The following ADARB2 variants were observed in gnomAD, a reference collection of about 807,000 sequenced individuals.
ADARB2 encodes the protein inactive double-stranded RNA-specific editase B2.
In ADARB2, 25 loss-of-function variants were observed where a neutral mutation model predicts 62.2. The observed-to-expected ratio is 0.40, with a 90% CI of 0.29 to 0.56. The LOEUF (loss-of-function observed/expected upper bound fraction) is 0.56. ADARB2 is among the 20% of genes least tolerant of loss of function. ADARB2 has a pLI of 0.43. For missense variants in ADARB2, 1,071 were observed against 1,077.4 expected (o/e 0.99, Z 0.08); for synonymous variants, 572 against 500.8 (o/e 1.14, Z -1.90).
At chr10:1,391,956 A>C (rs1832575005) in intron 1 of ADARB2, among the ~76,000 whole-genome samples, 2 of 151,506 alleles carry the variant, frequency 1.3e-5, no homozygotes, top group African/African-American at 4.9e-5. Context: ...TGTAGAGATG[A>C]GGTTTTGACA....
intron 1 of ADARB2, among the ~76,000 whole-genome samples, chr10:1,735,575 C>T (rs1005665869): frequency 2.0e-5 from 3 of 152,186 alleles, no homozygotes; most frequent in Non-Finnish European, 4.4e-5. Context: ...TTATTCAATC[C>T]GGTGACTTTC....
intron 1 of ADARB2, among the ~76,000 whole-genome samples, chr10:1,578,522 G>A (rs1040341593): frequency 2.0e-5 from 3 of 152,220 alleles, no homozygotes; most frequent in Non-Finnish European, 4.4e-5. Context: ...AGCCCCGCCT[G>A]TGAGTGCTCG....
intron 3 of ADARB2, among the ~76,000 whole-genome samples, chr10:1,351,260 C>T (rs923009162): frequency 6.6e-6 from 1 of 152,200 alleles, no homozygotes; most frequent in East Asian, 1.9e-4. Flanking sequence ...TGGACCATCA[C>T]GGATGCTGAG....
At chr10:1,576,023 G>C (rs1295979450) in intron 1 of ADARB2, among the ~76,000 whole-genome samples, 8 of 94,086 alleles carry the variant, frequency 8.5e-5, no homozygotes, top group African/African-American at 3.5e-4. Context: ...ATGGGAGGGG[G>C]CCCAGGGCCA....
chr10:1,672,803 C>G (rs139955529), intron 1 of ADARB2, among the ~76,000 whole-genome samples: 51 of 147,688 alleles, frequency 3.5e-4, no homozygotes, highest in Non-Finnish European at 6.5e-4. Context: ...ATCCAGCAAC[C>G]TCCACGTCTG....
At chr10:1,573,670 G>C (rs977447632) in intron 1 of ADARB2, among the ~76,000 whole-genome samples, 1 of 152,192 alleles carries the variant, frequency 6.6e-6, no homozygotes, top group African/African-American at 2.4e-5. Context: ...TCCTTGGGAG[G>C]TTGAGGAGGA....
At chr10:1,735,354 C>T (rs1047231948) in intron 1 of ADARB2, among the ~76,000 whole-genome samples, 1 of 152,212 alleles carries the variant, frequency 6.6e-6, no homozygotes, top group Non-Finnish European at 1.5e-5. Context: ...TCTAAGCTAG[C>T]ATGACTGACG....
rs374319455 is a variant in ADARB2 at position 1,267,117 on chromosome 10, C to T, written c.1192+3838G>A. On this transcript the variant is annotated intron_variant, in intron 4 of 9. Transcript: ENST00000381312. ...GAGAAGTGAATGGCTCACACCTAAA[C>T]ATATTCTTAAATCCAAGTTAAAAAA... Among the ~76,000 whole-genome samples the T allele has an allele frequency of 5.2e-4, 77 of 148,502 alleles. No individual in the cohort carries two copies. The Middle Eastern group carries it at 0.01, about 20-fold the overall frequency.
At chr10:1,300,095 C>A (rs1027261551) in intron 3 of ADARB2, among the ~76,000 whole-genome samples, 13 of 152,208 alleles carry the variant, frequency 8.5e-5, no homozygotes, top group African/African-American at 2.7e-4. Flanking sequence ...TCCCACTCTG[C>A]CCTCCAGCTG....
chr10:1,255,421 G>A lies in ADARB2; in HGVS notation c.1193-13122C>T, dbSNP rs1316285672. Among the ~76,000 whole-genome samples the A allele has an allele frequency of 6.6e-6, 1 of 152,240 alleles. No individual in the cohort carries two copies. The highest frequency in any genetic ancestry group is 1.9e-4 in the East Asian group (1 of 5,196). On this transcript the variant is annotated intron_variant, in intron 4 of 9. Coordinates refer to ENST00000381312, the MANE Select transcript of ADARB2 (RefSeq NM_018702.4). The surrounding 1 kb of genome is among the most constrained non-coding windows in gnomAD (Gnocchi z 4.7). ...GGTCTACACACTAATCAAACATGCT[G>A]CTCACTCCACATAACATACAACACG... is the stretch of plus-strand genomic sequence containing the variant.
chr10:1,329,939 T>TC (rs1554754677), intron 3 of ADARB2, among the ~76,000 whole-genome samples: 1 of 118,458 alleles, frequency 8.4e-6, no homozygotes, highest in Non-Finnish European at 1.6e-5. Context: ...CTTTTTTTTT[T>TC]TTTTTTTTTT....
intron 1 of ADARB2, among the ~76,000 whole-genome samples, chr10:1,459,352 A>T (rs1241126482): frequency 6.6e-6 from 1 of 152,198 alleles, no homozygotes; most frequent in Non-Finnish European, 1.5e-5. Context: ...CCCTAAACAA[A>T]ACTGAGATCA....
At chr10:1,302,496 C>G (rs2131818173) in intron 3 of ADARB2, among the ~76,000 whole-genome samples, 1 of 152,300 alleles carries the variant, frequency 6.6e-6, no homozygotes, top group East Asian at 1.9e-4. Context: ...AACAAAGCAG[C>G]CGGGAAGCTC....
intron 1 of ADARB2, among the ~76,000 whole-genome samples, chr10:1,631,561 A>G (rs1332866594): frequency 6.6e-6 from 1 of 152,200 alleles, no homozygotes; most frequent in Non-Finnish European, 1.5e-5. Context: ...GGACTTCTAC[A>G]TCCAGGAAGT....
Position 1,561,903 on chromosome 10 carries a change from C to T in ADARB2, c.100+175148G>A, listed in dbSNP as rs986629527. Among the ~76,000 whole-genome samples, 5 of 152,240 alleles carry T rather than the reference C, an allele frequency of 3.3e-5. 1 individual carries two copies. Among genetic ancestry groups the T allele is most frequent in the Admixed American group, 1.3e-4 (2 of 15,284 alleles). ...CTCTTGCCCATGCAACCAGGATTGC[C>T]ACATCGTGTCTTTGCTCCTGATGCC... On this transcript the variant is annotated intron_variant, in intron 1 of 9. Coordinates refer to ENST00000381312, the MANE Select transcript of ADARB2 (RefSeq NM_018702.4).
intron 1 of ADARB2, among the ~76,000 whole-genome samples, chr10:1,577,654 G>A (rs1282887834): frequency 6.6e-6 from 1 of 152,138 alleles, no homozygotes; most frequent in Non-Finnish European, 1.5e-5. Context: ...CGGTGGGAAA[G>A]GACGGTGGGT....
At chr10:1,714,761 G>A (rs1834995137) in intron 1 of ADARB2, among the ~76,000 whole-genome samples, 1 of 152,142 alleles carries the variant, frequency 6.6e-6, no homozygotes, top group African/African-American at 2.4e-5. Flanking sequence ...ATTTACCCAG[G>A]GGTGTATTTT....
At chr10:1,197,357 T>C (rs1836924372) in intron 8 of ADARB2, among the ~76,000 whole-genome samples, 1 of 152,210 alleles carries the variant, frequency 6.6e-6, no homozygotes, top group Admixed American at 6.5e-5. Context: ...ATTGGGAAAT[T>C]TCAGAAGCTA....
chr10:1,199,865 C>T (rs948276075), intron 8 of ADARB2, 101 bp downstream of exon 8: 74 of 1,277,094 alleles, frequency 5.8e-5, no homozygotes, highest in Non-Finnish European at 7.2e-5. Context: ...TGCCACTAGC[C>T]AACATGGATG....
Sources: gnomAD v4.1 joint callset for allele counts (sites outside exome capture counted in the v4.1 genomes callset) on GRCh38, gnomAD v4.1.1 for gene constraint, Gnocchi (gnomAD v3.1) non-coding constraint, MANE v1.5 for transcripts, NCBI Gene and HGNC (gene_info 2026-07-23, HGNC 2026-07-21) for gene names.